MCPH1: variants seen among roughly 807,000 people sequenced by gnomAD.
The protein encoded by MCPH1 is microcephalin.
Under a neutral mutation model 84.5 loss-of-function variants are expected in MCPH1, and 104 were observed. That is an observed-to-expected ratio of 1.23 (90% CI 1.05 to 1.45). MCPH1 has a LOEUF of 1.45. Ranked by LOEUF, MCPH1 falls within the 40% of genes most tolerant of loss-of-function variation. MCPH1 has a pLI of 0.00. For missense variants in MCPH1, 1,498 were observed against 1,005.7 expected, an observed-to-expected ratio of 1.49 and a Z score of -6.62; for synonymous variants, 514 against 366.8, an observed-to-expected ratio of 1.40 and a Z score of -4.58.
Position 6,445,076 on chromosome 8 carries a change from A to C in MCPH1, c.1354A>C (p.Arg452=). The change falls in exon 8 of 14, where the codon AGA becomes CGA. Residue 452 remains arginine (R), a synonymous_variant. Coordinates refer to ENST00000344683, the MANE Select transcript of MCPH1 (RefSeq NM_024596.5). ...LSCRSLSKKE[R]TSIFEMSDFS... is the part of the protein sequence containing the mutation. The stretch of plus-strand genomic sequence containing the variant: ...CTGCAGAAGTCTTTCTAAGAAGGAG[A>C]GAACAAGCATATTTGAAATGTCTGA... 1.9e-6 allele frequency: 3 copies of C among 1,614,268 alleles called. No individual in the cohort carries two copies. The highest frequency in any genetic ancestry group is 2.5e-6 in the Non-Finnish European group (3 of 1,180,046).
Position 6,527,796 on chromosome 8 carries a change from C to T in MCPH1, c.2214+27867C>T, listed in dbSNP as rs941241850. The T allele has an allele frequency of 1.1e-5, 10 of 947,100 alleles. No individual in the cohort carries two copies. In the South Asian group the frequency reaches 1.9e-4, roughly 18 times the overall value. 58.7% of individuals were successfully genotyped at this position (947,100 alleles called of 1,614,324 possible). On this transcript the variant is annotated intron_variant, in intron 12 of 13. Transcript: ENST00000344683. ...CATAACAAAAACATTATTTATTAACCCAAGTATCTTATTTTGGCATATTTT... is the reference window on the plus strand; with the variant it reads ...CATAACAAAAACATTATTTATTAACTCAAGTATCTTATTTTGGCATATTTT...
At position 6,445,334 on chromosome 8, in the gene MCPH1, CATG is replaced by C. The variant is rs1275821995; in HGVS notation, c.1621_1623del (p.Asp541del). ...TGAGGACCCTGCTCTTCCAAAAGGACATGATGATGATTTAACTCCTTTGGAAGG... is the reference window on the plus strand; with the variant it reads ...TGAGGACCCTGCTCTTCCAAAAGGACATGATGATTTAACTCCTTTGGAAGG... On this transcript the variant is annotated inframe_deletion, in exon 8 of 14. Coordinates refer to ENST00000344683, the MANE Select transcript of MCPH1 (RefSeq NM_024596.5). 1.2e-6 allele frequency: 2 copies of C among 1,614,188 alleles called. No individual in the cohort carries two copies. Among genetic ancestry groups the C allele is most frequent in the East Asian group, 2.2e-5 (1 of 44,874 alleles).
At chr8:6,519,941 C>T in intron 12 of MCPH1, 2 of 1,614,074 alleles carry the variant, frequency 1.2e-6, no homozygotes, top group Non-Finnish European at 1.7e-6. Context: ...AATACTTCAG[C>T]ACAGTCTCTG....
chr8:6,621,737 G>T (rs1831445863), intron 13 of MCPH1, 46 bp downstream of exon 13: 1 of 1,613,048 alleles, frequency 6.2e-7, no homozygotes. Context: ...CCAGATCTGT[G>T]GACAGGTTTC....
chr8:6,466,409 G>C (rs1003676167), intron 9 of MCPH1, among the ~76,000 whole-genome samples: 7 of 151,782 alleles, frequency 4.6e-5, no homozygotes, highest in African/African-American at 1.2e-4. Context: ...CTGGGTTCAA[G>C]TGATTCTCCT....
At chr8:6,513,900 T>G (rs1815704845) in intron 12 of MCPH1, 1 of 1,483,728 alleles carries the variant, frequency 6.7e-7, no homozygotes, top group East Asian at 2.3e-5. Flanking sequence ...TTTGTATATT[T>G]GAAGTGGATA....
rs958775345 is a variant in MCPH1, at chr8:6,621,568, G to A, written c.2329G>A (p.Glu777Lys). 4 of 1,614,190 alleles carry A rather than the reference G, an allele frequency of 2.5e-6. No individual in the cohort carries two copies. The highest frequency in any genetic ancestry group is 3.4e-6 in the Non-Finnish European group (4 of 1,180,030). Residue 777 changes from glutamate (E) to lysine (K), a missense_variant, in exon 13 of 14, where the codon GAA (glutamate) becomes AAA (lysine). Transcript: ENST00000344683. ...ASSPPVAKLC[E>K]LVHLCGGRVS... ...CAGCCCCCCAGTGGCCAAGCTCTGTGAACTAGTCCACCTGTGCGGAGGCCG... is the reference window on the plus strand; with the variant it reads ...CAGCCCCCCAGTGGCCAAGCTCTGTAAACTAGTCCACCTGTGCGGAGGCCG...
At chr8:6,521,953 C>A (rs1008795129) in intron 12 of MCPH1, among the ~76,000 whole-genome samples, 1 of 152,286 alleles carries the variant, frequency 6.6e-6, no homozygotes, top group South Asian at 2.1e-4. Flanking sequence ...ACCAGCCCTG[C>A]GACTTGGAAC....
chr8:6,611,768 G>A (rs913744026), intron 12 of MCPH1, among the ~76,000 whole-genome samples: 5 of 152,094 alleles, frequency 3.3e-5, no homozygotes, highest in South Asian at 2.1e-4. Context: ...ACAGGCGTCC[G>A]CCACCACGCC....
At chr8:6,473,073 T>C (rs903858936) in intron 9 of MCPH1, among the ~76,000 whole-genome samples, 4 of 152,178 alleles carry the variant, frequency 2.6e-5, no homozygotes, top group African/African-American at 9.7e-5. Flanking sequence ...CTTTGGAATC[T>C]AAGCCAATTA....
chr8:6,640,089 TGTGTGTGTGCGCGCGC>T (rs1467274251), intron 13 of MCPH1, among the ~76,000 whole-genome samples: 3 of 145,048 alleles, frequency 2.1e-5, no homozygotes, highest in South Asian at 2.2e-4. Flanking sequence ...TGTGTGTGTG[TGTGTGTGTGCGCGCGC>T]GTGTGTGTGT....
intron 4 of MCPH1, among the ~76,000 whole-genome samples, chr8:6,435,506 A>G (rs1244240441): frequency 6.6e-6 from 1 of 152,114 alleles, no homozygotes; most frequent in Non-Finnish European, 1.5e-5. Context: ...GGGTTGTGTC[A>G]CAAGGTGATG....
At chr8:6,530,059 A>G (rs896705937) in intron 12 of MCPH1, among the ~76,000 whole-genome samples, 3 of 152,028 alleles carry the variant, frequency 2.0e-5, no homozygotes, top group African/African-American at 4.8e-5. Flanking sequence ...TCTAACTATT[A>G]TTTTAAAATA....
At chr8:6,549,655 G>C (rs1372362848) in intron 12 of MCPH1, among the ~76,000 whole-genome samples, 2 of 149,022 alleles carry the variant, frequency 1.3e-5, no homozygotes, top group Non-Finnish European at 3.0e-5. Context: ...AGGGGCGTGA[G>C]GGAGCTGCCT....
rs933133881 is a variant in MCPH1 at position 6,505,003 on chromosome 8, A to G, written c.2214+5074A>G. On this transcript the variant is annotated intron_variant, in intron 12 of 13. Coordinates refer to ENST00000344683, the MANE Select transcript of MCPH1 (RefSeq NM_024596.5). ...ACACATACAGTATGATACTCCTTAT[A>G]TTAATTTTTAAAATAGAGAAAATAA... Among the ~76,000 whole-genome samples the G allele has an allele frequency of 5.9e-5, 9 of 151,834 alleles. 1 individual carries two copies. The highest frequency in any genetic ancestry group is 1.9e-4 in the African/African-American group (8 of 41,324).
intron 3 of MCPH1, among the ~76,000 whole-genome samples, chr8:6,430,795 T>C (rs995533223): frequency 2.0e-5 from 3 of 151,994 alleles, no homozygotes; most frequent in African/African-American, 7.3e-5. Context: ...GGGAAGAAAT[T>C]TAAGATTAAT....
intron 12 of MCPH1, 117 bp downstream of exon 12, chr8:6,500,046 A>G: frequency 1.3e-5 from 11 of 836,794 alleles, no homozygotes; most frequent in South Asian, 4.2e-5. Context: ...GCCCATAATT[A>G]AAAAGACATT....
In MCPH1 at chr8:6,483,944, A is replaced by C. The variant is rs116926617; in HGVS notation, c.2136+3068A>C. On this transcript the variant is annotated intron_variant, in intron 11 of 13. Coordinates refer to ENST00000344683, the MANE Select transcript of MCPH1 (RefSeq NM_024596.5). ...TACACGAGCCACAAAAATTACCTCC[A>C]AATGGATCATAGACAAAATTTAAAG... Among the ~76,000 whole-genome samples the C allele has an allele frequency of 1.2e-3, 190 of 152,332 alleles. 3 individuals are homozygous for C. In the East Asian group the frequency reaches 0.031, roughly 25 times the overall value.
chr8:6,624,076 T>A (rs1288557102), intron 13 of MCPH1, among the ~76,000 whole-genome samples: 1 of 152,190 alleles, frequency 6.6e-6, no homozygotes, highest in East Asian at 1.9e-4. Context: ...TTGTGTGGAG[T>A]CACGCTTGCT....
Sources: gnomAD v4.1 joint callset for allele counts (sites outside exome capture counted in the v4.1 genomes callset) on GRCh38, gnomAD v4.1.1 for gene constraint, MANE v1.5 for transcripts, NCBI Gene and HGNC (gene_info 2026-07-23, HGNC 2026-07-21) for gene names.